The following PPIL6 variants were observed in gnomAD, a reference collection of about 807,000 sequenced individuals.
The protein encoded by PPIL6 is probable inactive peptidyl-prolyl cis-trans isomerase-like 6.
Under a neutral mutation model 36.8 loss-of-function variants are expected in PPIL6, and 39 were observed. That is an observed-to-expected ratio of 1.06 (90% CI 0.82 to 1.38). The LOEUF (loss-of-function observed/expected upper bound fraction) is 1.38, where lower values mean the gene tolerates loss of function less well. PPIL6 is among the 40% of genes most tolerant of loss of function. The pLI, the probability that PPIL6 is intolerant of heterozygous loss-of-function variation, is 0.00. For synonymous variants in PPIL6, 123 were observed against 134.1 expected (o/e 0.92, Z 0.57); for missense variants, 368 against 379.1 (o/e 0.97, Z 0.24).
intron 6 of PPIL6, among the ~76,000 whole-genome samples, chr6:109,401,599 A>G (rs1477106158): frequency 6.6e-6 from 1 of 152,240 alleles, no homozygotes; most frequent in Non-Finnish European, 1.5e-5. Flanking sequence ...GCATGTTTGT[A>G]CAAATGAGTC....
intron 2 of PPIL6, among the ~76,000 whole-genome samples, chr6:109,431,677 C>T (rs549337907): frequency 7.9e-5 from 12 of 152,244 alleles, no homozygotes; most frequent in Non-Finnish European, 1.0e-4. Flanking sequence ...GCAGTTATGT[C>T]TCACTCTCCC....
rs1176286160 is a variant in PPIL6, at chr6:109,436,163, G to C, written c.172C>G (p.Pro58Ala). The C allele has an allele frequency of 6.3e-7, 1 of 1,582,188 alleles. No homozygotes were observed. Among genetic ancestry groups the C allele is most frequent in the Non-Finnish European group, 8.7e-7 (1 of 1,151,710 alleles). Residue 58 changes from proline (P) to alanine (A), a missense_variant, in exon 2 of 8, where the codon CCT becomes GCT. Physicochemically the swap from Pro to Ala is conservative, Grantham distance 27. Coordinates refer to ENST00000521072, the MANE Select transcript of PPIL6 (RefSeq NM_173672.5). ...AATTCTTGAAGAGGAACTAATATAG[G>C]ATCTTCAAATTTGGATGGATGATTA... ...KNNHPSKFED[P>A]ILVPLQEFAW...
Position 109,419,330 on chromosome 6 carries a change from A to G in PPIL6, c.632-87T>C, listed in dbSNP as rs1373004578. ...TGACAGGGAAAAAATTTTGCTTTCA[A>G]TGATGATTTCAAGGCTGAGGTGGGA... On this transcript the variant is annotated intron_variant, in intron 5 of 7. Transcript: ENST00000521072. The G allele has an allele frequency of 6.8e-6, 6 of 886,794 alleles. No individual in the cohort carries two copies. In the African/African-American group the frequency reaches 8.4e-5, roughly 12 times the overall value. 54.9% of individuals were successfully genotyped at this position (886,794 alleles called of 1,614,324 possible). A position where few individuals can be genotyped will look rare whatever the true frequency, so the allele number is the denominator to read the frequency against.
chr6:109,403,088 T>C, intron 6 of PPIL6: 2 of 1,529,036 alleles, frequency 1.3e-6, no homozygotes, highest in Non-Finnish European at 1.7e-6. Flanking sequence ...TTTACACTTC[T>C]TTTCAAGCTT....
At chr6:109,403,513 T>C (rs2115206671) in intron 6 of PPIL6, among the ~76,000 whole-genome samples, 2 of 152,174 alleles carry the variant, frequency 1.3e-5, no homozygotes, top group Middle Eastern at 6.8e-3. Context: ...TGGTGAGGAG[T>C]GAGGCCACTG....
At chr6:109,421,503 CAG>C (rs1773536165) in intron 5 of PPIL6, among the ~76,000 whole-genome samples, 1 of 152,240 alleles carries the variant, frequency 6.6e-6, no homozygotes, top group Non-Finnish European at 1.5e-5. Context: ...CAGTGTTTGG[CAG>C]AGTGTCATGC....
intron 6 of PPIL6, among the ~76,000 whole-genome samples, chr6:109,416,849 C>T (rs1242049510): frequency 1.3e-5 from 2 of 152,116 alleles, no homozygotes; most frequent in Non-Finnish European, 2.9e-5. Context: ...CACATAAAAG[C>T]TGCATTTTCA....
chr6:109,440,194 G>A (rs1429273229), intron 1 of PPIL6: 2 of 557,336 alleles, frequency 3.6e-6, no homozygotes, highest in Non-Finnish European at 6.8e-6. Context: ...ATCTCCCAGC[G>A]CGGTTCTGAA....
chr6:109,420,332 C>CAA lies in PPIL6; in HGVS notation c.632-1091_632-1090dup, dbSNP rs564751735. The stretch of plus-strand genomic sequence containing the variant: ...TGGGCGACAGTGTGAGACTCCATCT[C>CAA]AAAAAAAAAAAAAAAAAAAAAAAAA... On this transcript the variant is annotated intron_variant, in intron 5 of 7. Transcript: ENST00000521072. 1.2e-3 allele frequency among the ~76,000 whole-genome samples: 59 copies of CAA among 50,954 alleles called. 1 individual carries two copies. Among genetic ancestry groups the CAA allele is most frequent in the Non-Finnish European group, 1.4e-3 (37 of 25,556 alleles). The allele number at this position is 50,954 out of a possible 152,430, so 33.4% of individuals were successfully genotyped here.
rs1479501269 is a variant in PPIL6 at position 109,391,181 on chromosome 6, G to C, written c.*1645C>G. On this transcript the variant is annotated 3_prime_UTR_variant, in exon 8 of 8. Transcript: ENST00000521072. ...CAGGCGCCTGTAGTCCCAGCTACTC[G>C]GGAGGCTGAGGCAGGAGAATGGCAT... 1.3e-5 allele frequency: 2 copies of C among 151,388 alleles called. No individual in the cohort carries two copies. Among genetic ancestry groups the C allele is most frequent in the Non-Finnish European group, 2.9e-5 (2 of 68,074 alleles). 9.4% of individuals were successfully genotyped at this position (151,388 alleles called of 1,614,324 possible). A position where few individuals can be genotyped will look rare whatever the true frequency, so the allele number is the denominator to read the frequency against.
intron 6 of PPIL6, among the ~76,000 whole-genome samples, chr6:109,415,628 G>A (rs535067176): frequency 2.7e-4 from 41 of 152,256 alleles, no homozygotes; most frequent in South Asian, 2.1e-4. Context: ...TTTCTCCAGC[G>A]GAAACTTGTT....
chr6:109,402,694 A>G (rs1325542354), intron 6 of PPIL6, among the ~76,000 whole-genome samples: 1 of 152,222 alleles, frequency 6.6e-6, no homozygotes, highest in Non-Finnish European at 1.5e-5. Flanking sequence ...TAGAAACTTA[A>G]AAATGTATGG....
At chr6:109,414,369 A>T (rs538999022) in intron 6 of PPIL6, among the ~76,000 whole-genome samples, 74 of 148,492 alleles carry the variant, frequency 5.0e-4, no homozygotes, top group Non-Finnish European at 8.8e-4. Flanking sequence ...TTTTTCTTTC[A>T]TTGCTTTCCT....
At chr6:109,418,122 C>T (rs1582562327) in intron 6 of PPIL6, 2 of 152,890 alleles carry the variant, frequency 1.3e-5, no homozygotes, top group Middle Eastern at 6.7e-3. Context: ...CATATTGAAG[C>T]ATGTGGCTTT....
chr6:109,433,960 A>G (rs1048733960), intron 2 of PPIL6, among the ~76,000 whole-genome samples: 1 of 152,142 alleles, frequency 6.6e-6, no homozygotes, highest in African/African-American at 2.4e-5. Flanking sequence ...AAGGGGAGGG[A>G]AACTGGGGAA....
In PPIL6 at chr6:109,427,122, G is replaced by T. The variant is rs1475156515; in HGVS notation, c.455C>A (p.Ser152Tyr). 3 of 1,611,924 alleles carry T rather than the reference G, an allele frequency of 1.9e-6. No individual in the cohort carries two copies. The highest frequency in any genetic ancestry group is 1.7e-4 in the Middle Eastern group (1 of 6,046). Reference sequence around the variant, plus strand: ...AAAAATCAATCTTCCAATTGGAGAAGAATCAATACAAATGTCCAAAAACAC... The same window carrying T: ...AAAAATCAATCTTCCAATTGGAGAATAATCAATACAAATGTCCAAAAACAC... The part of the protein sequence containing the change: ...DFVFLDICID[S>Y]SPIGRLIFEL... The change falls in exon 4 of 8, where the codon TCT (serine) becomes TAT (tyrosine). Residue 152 changes from serine (S) to tyrosine (Y), a missense_variant. Ser to Tyr is a moderately radical substitution (Grantham distance 144). Coordinates refer to ENST00000521072, the MANE Select transcript of PPIL6 (RefSeq NM_173672.5).
chr6:109,406,453 T>C (rs1271911779), intron 6 of PPIL6, among the ~76,000 whole-genome samples: 1 of 152,174 alleles, frequency 6.6e-6, no homozygotes, highest in African/African-American at 2.4e-5. Context: ...GTCAGACTCA[T>C]ATTCTTTGGT....
At chr6:109,410,909 G>C (rs1017306682) in intron 6 of PPIL6, among the ~76,000 whole-genome samples, 1 of 152,074 alleles carries the variant, frequency 6.6e-6, no homozygotes, top group Non-Finnish European at 1.5e-5. Context: ...ATCGGAACAG[G>C]GGAAAAATAT....
At chr6:109,436,070 T>A (rs1415510559) in intron 2 of PPIL6, 34 bp downstream of exon 2, 1 of 1,158,458 alleles carries the variant, frequency 8.6e-7, no homozygotes, top group Non-Finnish European at 1.3e-6. Context: ...CTTGGCTTGT[T>A]GTCTATATCC....
Sources: gnomAD v4.1 joint callset for allele counts (sites outside exome capture counted in the v4.1 genomes callset) on GRCh38, gnomAD v4.1.1 for gene constraint, MANE v1.5 for transcripts, NCBI Gene and HGNC (gene_info 2026-07-23, HGNC 2026-07-21) for gene names.